ABCG2: variants seen among roughly 807,000 people sequenced by gnomAD.
ABCG2 encodes broad substrate specificity ATP-binding cassette transporter ABCG2.
ABCG2 carries 80 observed loss-of-function variants against 73.5 expected under a neutral mutation model. That is an observed-to-expected ratio of 1.09 (90% confidence interval 0.91 to 1.31). The LOEUF is 1.31. Ranked by LOEUF, ABCG2 falls within the 50% of genes most tolerant of loss-of-function variation. The pLI, the probability that ABCG2 is intolerant of heterozygous loss-of-function variation, is 0.00. For missense variants in ABCG2, 796 were observed against 786.2 expected (o/e 1.01, Z -0.15); for synonymous variants, 269 against 282.4 (o/e 0.95, Z 0.48).
chr4:88,130,621 G>T (rs979286380), intron 5 of ABCG2, among the ~76,000 whole-genome samples: 3 of 152,066 alleles, frequency 2.0e-5, no homozygotes, highest in African/African-American at 7.2e-5. Context: ...CTGATACAGA[G>T]CAAGAATCCT....
intron 13 of ABCG2, among the ~76,000 whole-genome samples, chr4:88,096,189 G>A (rs1319259048): frequency 3.9e-5 from 6 of 152,188 alleles, no homozygotes; most frequent in African/African-American, 1.2e-4. Flanking sequence ...AGCATAAGCA[G>A]GATCAGTGCT....
chr4:88,126,068 T>G (rs1724387149), intron 5 of ABCG2, among the ~76,000 whole-genome samples: 1 of 151,994 alleles, frequency 6.6e-6, no homozygotes, highest in African/African-American at 2.4e-5. Flanking sequence ...AAGAATCAAA[T>G]AGACACAATA....
At position 88,118,172 on chromosome 4, in the gene ABCG2, C is replaced by T; in HGVS notation, c.778G>A (p.Ala260Thr). Reference protein sequence around the residue: ...FKLFDSLTLLASGRLMFHGPA... With the variant: ...FKLFDSLTLLTSGRLMFHGPA... ...CCGTGGAACATAAGTCTTCCTGAGG[C>T]CAATAAGGTGAGGCTATCAAACAAC... The change falls in exon 7 of 16, where the codon GCC (alanine) becomes ACC (threonine). Residue 260 changes from alanine to threonine, a missense_variant. By Grantham distance (58) the Ala-to-Thr change is moderately conservative (BLOSUM62 0). Transcript: ENST00000237612. 4 of 1,614,072 alleles carry T rather than the reference C, an allele frequency of 2.5e-6. No individual in the cohort carries two copies. The highest frequency in any genetic ancestry group is 3.4e-6 in the Non-Finnish European group (4 of 1,179,982).
chr4:88,108,091 C>A (rs1372323335), intron 9 of ABCG2, among the ~76,000 whole-genome samples: 1 of 152,192 alleles, frequency 6.6e-6, no homozygotes, highest in Non-Finnish European at 1.5e-5. Flanking sequence ...GGAGACTGGA[C>A]AAACACCAAT....
intron 1 of ABCG2, among the ~76,000 whole-genome samples, chr4:88,154,327 T>C (rs865894402): frequency 5.3e-5 from 8 of 152,342 alleles, no homozygotes; most frequent in Middle Eastern, 3.4e-3. Flanking sequence ...GCATTAATGA[T>C]AGAGGACCCT....
At chr4:88,109,768 C>A (rs2622621) in intron 9 of ABCG2, among the ~76,000 whole-genome samples, 5 of 151,998 alleles carry the variant, frequency 3.3e-5, no homozygotes, top group African/African-American at 4.8e-5. Flanking sequence ...GCAACAGATT[C>A]AAGATTTATC....
rs1035049200 is a variant in ABCG2, at chr4:88,211,370, C to A, written c.-20+19624G>T. Among the ~76,000 whole-genome samples the A allele has an allele frequency of 1.5e-5, 2 of 130,382 alleles. 1 individual carries two copies. Among genetic ancestry groups the A allele is most frequent in the Non-Finnish European group, 3.4e-5 (2 of 58,858 alleles). The allele number at this position is 130,382 out of a possible 152,430, so 85.5% of individuals were successfully genotyped here. A position where few individuals can be genotyped will look rare whatever the true frequency, so the allele number is the denominator to read the frequency against. On this transcript the variant is annotated intron_variant, in intron 1 of 15. Transcript: ENST00000515655. ...TTGTTCAACCCCTGCCCCACCCCCC[C>A]CCACTTTTGGAGACCCCAGTGTCTG...
upstream of ABCG2, among the ~76,000 whole-genome samples, chr4:88,161,183 T>A (rs1172290645): frequency 7.9e-6 from 1 of 126,238 alleles, no homozygotes; most frequent in African/African-American, 2.7e-5. Flanking sequence ...TTTTTTTTTT[T>A]ATTATACTCT....
intron 1 of ABCG2, among the ~76,000 whole-genome samples, chr4:88,208,687 T>G (rs1375065226): frequency 2.6e-5 from 4 of 152,176 alleles, no homozygotes; most frequent in Non-Finnish European, 5.9e-5. Context: ...TTAACTTTTT[T>G]CTGCATACCA....
At chr4:88,111,100 T>A (rs1723102783) in intron 9 of ABCG2, among the ~76,000 whole-genome samples, 1 of 152,256 alleles carries the variant, frequency 6.6e-6, no homozygotes, top group African/African-American at 2.4e-5. Flanking sequence ...AAAACAGCTC[T>A]GTGTTCTAAT....
At chr4:88,194,729 A>G (rs1213195405) in intron 1 of ABCG2, among the ~76,000 whole-genome samples, 1 of 152,066 alleles carries the variant, frequency 6.6e-6, no homozygotes, top group African/African-American at 2.4e-5. Flanking sequence ...AGTGGTTCAG[A>G]CAGAGCTGTA....
At chr4:88,211,530 C>T (rs1303605697) in intron 1 of ABCG2, among the ~76,000 whole-genome samples, 1 of 152,150 alleles carries the variant, frequency 6.6e-6, no homozygotes, top group Non-Finnish European at 1.5e-5. Flanking sequence ...GATTCTTCTG[C>T]CTCAGACACC....
At chr4:88,193,644 T>G (rs973691220) in intron 1 of ABCG2, among the ~76,000 whole-genome samples, 29 of 152,220 alleles carry the variant, frequency 1.9e-4, no homozygotes, top group African/African-American at 6.8e-4. Flanking sequence ...GTAGGCTGAT[T>G]AGAAACAAAT....
Position 88,113,667 on chromosome 4 carries a change from A to G in ABCG2, c.944-114T>C, listed in dbSNP as rs538542321. ...CCTAACACCTTCATTCTAAAGCTTT[A>G]GAAAGAAAAAATAGGCCAGGCACGG... is the stretch of plus-strand genomic sequence containing the variant. On this transcript the variant is annotated intron_variant, in intron 8 of 15. Transcript: ENST00000237612. The G allele has an allele frequency of 8.8e-4, 1,222 of 1,390,124 alleles. 3 individuals are homozygous for G. The highest frequency in any genetic ancestry group is 1.1e-3 in the Non-Finnish European group (1,180 of 1,034,836). The allele number at this position is 1,390,124 out of a possible 1,614,324, so 86.1% of individuals were successfully genotyped here.
intron 10 of ABCG2, among the ~76,000 whole-genome samples, chr4:88,101,778 C>T (rs1328207617): frequency 6.6e-6 from 1 of 152,172 alleles, no homozygotes; most frequent in African/African-American, 2.4e-5. Flanking sequence ...AGGTAGAGGG[C>T]CCTCACCAGA....
chr4:88,132,762 C>A, intron 2 of ABCG2, 127 bp from the exon 3 acceptor site: 1 of 1,058,690 alleles, frequency 9.4e-7, no homozygotes, highest in Non-Finnish European at 1.4e-6. Flanking sequence ...CACAAACCAA[C>A]TCTTAAAGAA....
intron 11 of ABCG2, among the ~76,000 whole-genome samples, chr4:88,100,549 C>G (rs1375455890): frequency 6.6e-6 from 1 of 151,104 alleles, no homozygotes; most frequent in Non-Finnish European, 1.5e-5. Flanking sequence ...ACTCAGGAGG[C>G]CGAGATGGGA....
In ABCG2 at chr4:88,139,815, T is replaced by C; in HGVS notation, c.181A>G (p.Lys61Glu). 6.2e-7 allele frequency: 1 copy of C among 1,614,080 alleles called. No individual in the cohort carries two copies. Among genetic ancestry groups the C allele is most frequent in the Non-Finnish European group, 8.5e-7 (1 of 1,179,972 alleles). ...GFLPCRKPVE[K>E]EILSNINGIM... ...TACTTGATATTCGATAATATTTCTTTCTCAACTGGTTTTCGACAAGGTAGA... is the reference window on the plus strand; with the variant it reads ...TACTTGATATTCGATAATATTTCTTCCTCAACTGGTTTTCGACAAGGTAGA... Residue 61 changes from lysine (K) to glutamate (E), a missense_variant, in exon 2 of 16, where the codon AAA (lysine) becomes GAA (glutamate). Physicochemically the swap from Lys to Glu is moderately conservative, Grantham distance 56. Transcript: ENST00000237612.
intron 1 of ABCG2, among the ~76,000 whole-genome samples, chr4:88,208,989 G>A (rs1196932287): frequency 6.6e-5 from 10 of 151,810 alleles, no homozygotes; most frequent in Admixed American, 2.0e-4. Flanking sequence ...GTGACAGAGC[G>A]AGACTGTCTC....
Sources: allele counts gnomAD v4.1 joint callset (sites outside exome capture counted in the v4.1 genomes callset), GRCh38; gene constraint gnomAD v4.1.1; transcripts MANE v1.5; gene names NCBI Gene and HGNC (gene_info 2026-07-23, HGNC 2026-07-21).